The following ZNF568 variants were observed in gnomAD, a reference collection of about 807,000 sequenced individuals.
ZNF568 encodes the protein p53 inhibitor of SCO2 activation.
In ZNF568, 11 loss-of-function variants were observed where a neutral mutation model predicts 18.1. The observed-to-expected ratio is 0.61, with a 90% CI of 0.38 to 1.00. The LOEUF (loss-of-function observed/expected upper bound fraction) is 1.00, where lower values mean the gene tolerates loss of function less well. Ranked by LOEUF, ZNF568 falls within the 50% of genes least tolerant of loss-of-function variation. ZNF568 has a pLI of 0.01. For missense variants in ZNF568, 639 were observed against 768.2 expected (o/e 0.83, Z 1.99); for synonymous variants, 213 against 246.6 (o/e 0.86, Z 1.28).
exon 5 of ZNF568, chr19:36,996,786 A>G (rs1290250275): frequency 6.4e-7 from 1 of 1,552,562 alleles, no homozygotes; most frequent in African/African-American, 1.4e-5. Context: ...CTGGAGAGAA[A>G]CCTCATAAAT....
Position 36,936,134 on chromosome 19 carries a change from A to G in ZNF568, c.136-612A>G, listed in dbSNP as rs1001427604. Among the ~76,000 whole-genome samples the G allele has an allele frequency of 2.0e-5, 3 of 152,238 alleles. No individual in the cohort carries two copies. The East Asian group carries it at 5.8e-4, about 29-fold the overall frequency. On this transcript the variant is annotated intron_variant, in intron 4 of 6. Coordinates refer to ENST00000333987, the MANE Select transcript of ZNF568 (RefSeq NM_198539.4). Reference sequence around the variant, plus strand: ...ACTATATTTTCTTAGTGGTTGCTCTAGGACTTGGATACTATGTATCTTATC... The same window carrying G: ...ACTATATTTTCTTAGTGGTTGCTCTGGGACTTGGATACTATGTATCTTATC...
downstream of ZNF568, among the ~76,000 whole-genome samples, chr19:36,956,921 AAACT>A (rs1444523211): frequency 3.3e-5 from 5 of 152,182 alleles, no homozygotes; most frequent in Admixed American, 1.3e-4. Context: ...GATTCATTTG[AAACT>A]AATAAACTCA....
rs990817743 is a variant in ZNF568 at position 36,924,257 on chromosome 19, C to T, written c.77-943C>T. 5.3e-5 allele frequency among the ~76,000 whole-genome samples: 8 copies of T among 151,934 alleles called. No individual in the cohort carries two copies. The South Asian group carries it at 1.2e-3, about 24-fold the overall frequency. The stretch of plus-strand genomic sequence containing the variant: ...AGGGGGAGACAGAGTCTCGCTCTGT[C>T]GCCCAGGCTGGAGTGCAGTGGTGTG... On this transcript the variant is annotated intron_variant, in intron 3 of 6. Coordinates refer to ENST00000333987, the MANE Select transcript of ZNF568 (RefSeq NM_198539.4).
chr19:36,921,947 A>T (rs900353371), intron 2 of ZNF568, among the ~76,000 whole-genome samples: 2 of 152,202 alleles, frequency 1.3e-5, no homozygotes, highest in Non-Finnish European at 1.5e-5. Context: ...GACACAGAAG[A>T]TATCTGAAGA....
At chr19:36,918,059 C>T (rs2073381068) in intron 2 of ZNF568, among the ~76,000 whole-genome samples, 1 of 152,190 alleles carries the variant, frequency 6.6e-6, no homozygotes, top group South Asian at 2.1e-4. Context: ...AGCGATTCTC[C>T]TGCCTCAGCC....
At chr19:36,971,335 C>G (rs187149765) in intron 6 of ZNF568, among the ~76,000 whole-genome samples, 6 of 149,606 alleles carry the variant, frequency 4.0e-5, no homozygotes, top group Admixed American at 2.0e-4. Context: ...TTTCATTTAT[C>G]TTTTAGTACT....
chr19:36,924,974 T>A (rs748312546), intron 3 of ZNF568, among the ~76,000 whole-genome samples: 1 of 152,154 alleles, frequency 6.6e-6, no homozygotes, highest in Non-Finnish European at 1.5e-5. Context: ...AATAGATTCA[T>A]TGGGCACTGC....
rs555423768 is a variant in ZNF568, at chr19:36,939,575, T to C, written c.358+2333T>C. Among the ~76,000 whole-genome samples the C allele has an allele frequency of 4.4e-3, 591 of 133,382 alleles. 5 individuals are homozygous for C. The highest frequency in any genetic ancestry group is 6.8e-3 in the Non-Finnish European group (443 of 64,948). The allele number at this position is 133,382 out of a possible 152,430, so 87.5% of individuals were successfully genotyped here. ...TTTTTTTTGAGACGGAGTCTCACTCTGTCATCCAGGCTGGAGTGCAGTGGT... is the reference window on the plus strand; with the variant it reads ...TTTTTTTTGAGACGGAGTCTCACTCCGTCATCCAGGCTGGAGTGCAGTGGT... On this transcript the variant is annotated intron_variant, in intron 6 of 6. Transcript: ENST00000333987.
At chr19:36,981,056 G>A (rs1228405715), downstream of ZNF568, among the ~76,000 whole-genome samples, 3 of 152,180 alleles carry the variant, frequency 2.0e-5, no homozygotes, top group African/African-American at 7.2e-5. Context: ...ACAAAGGCCA[G>A]ACCTCTTTTT....
At chr19:36,968,331 T>C (rs1049898945) in intron 6 of ZNF568, among the ~76,000 whole-genome samples, 2 of 151,998 alleles carry the variant, frequency 1.3e-5, no homozygotes, top group African/African-American at 4.8e-5. Context: ...TCCCAACACT[T>C]TGGGAGGCCG....
downstream of ZNF568, among the ~76,000 whole-genome samples, chr19:36,956,690 A>C (rs1271131743): frequency 6.6e-6 from 1 of 151,682 alleles, no homozygotes; most frequent in Admixed American, 6.6e-5. Flanking sequence ...TCTGCCTCCC[A>C]GGCTCAAGCG....
chr19:36,964,920 G>A (rs1229838975), intron 6 of ZNF568, among the ~76,000 whole-genome samples: 1 of 152,132 alleles, frequency 6.6e-6, no homozygotes, highest in African/African-American at 2.4e-5. Context: ...CAGTGTTAGA[G>A]GTGGAAGAGC....
At chr19:36,994,102 T>G (rs2074448961) in intron 4 of ZNF568, among the ~76,000 whole-genome samples, 1 of 152,082 alleles carries the variant, frequency 6.6e-6, no homozygotes, top group African/African-American at 2.4e-5. Context: ...TTCATAAGTT[T>G]TGGTATGTTG....
chr19:36,940,618 G>C lies in ZNF568; in HGVS notation c.358+3376G>C, dbSNP rs544641890. 1.4e-4 allele frequency among the ~76,000 whole-genome samples: 21 copies of C among 152,288 alleles called. 1 individual carries two copies. The South Asian group carries it at 4.3e-3, about 32-fold the overall frequency. On this transcript the variant is annotated intron_variant, in intron 6 of 6. Coordinates refer to ENST00000333987, the MANE Select transcript of ZNF568 (RefSeq NM_198539.4). ...AATAAACGTGGAAGAAATCAGGCTAGAGTTAGAAAGACAGGGCATAGTCAC... is the reference window on the plus strand; with the variant it reads ...AATAAACGTGGAAGAAATCAGGCTACAGTTAGAAAGACAGGGCATAGTCAC...
chr19:36,943,509 C>A (rs992520593), intron 6 of ZNF568, among the ~76,000 whole-genome samples: 1 of 152,010 alleles, frequency 6.6e-6, no homozygotes, highest in Non-Finnish European at 1.5e-5. Flanking sequence ...CAAGTTAAAT[C>A]ATTATAAATT....
Position 36,922,742 on chromosome 19 carries a change from C to A in ZNF568, c.-29C>A. On this transcript the variant is annotated 5_prime_UTR_variant, in exon 3 of 7. Transcript: ENST00000333987. Reference sequence around the variant, plus strand: ...CTGGAGTTGCTGGAGCTTGTCTTGACCCTTCTGCCCAGAGCAGGCAGGGTC... The same window carrying A: ...CTGGAGTTGCTGGAGCTTGTCTTGAACCTTCTGCCCAGAGCAGGCAGGGTC... 6.2e-7 allele frequency: 1 copy of A among 1,608,978 alleles called. No homozygotes were observed. The highest frequency in any genetic ancestry group is 8.5e-7 in the Non-Finnish European group (1 of 1,176,184).
intron 4 of ZNF568, among the ~76,000 whole-genome samples, chr19:36,933,899 G>GTTTTTTTTTTTTTTT (rs1491540772): frequency 4.7e-5 from 1 of 21,480 alleles, no homozygotes; most frequent in Non-Finnish European, 9.4e-5. Flanking sequence ...TTTTGGGTAG[G>GTTTTTTTTTTTTTTT]TTTTTTTTTT....
chr19:36,995,543 G>C (rs965640200), intron 4 of ZNF568, among the ~76,000 whole-genome samples: 1 of 152,136 alleles, frequency 6.6e-6, no homozygotes, highest in Non-Finnish European at 1.5e-5. Flanking sequence ...TTAATACACT[G>C]ATGGGGTAGG....
At chr19:36,986,680 T>G (rs2074379386) in intron 2 of ZNF568, among the ~76,000 whole-genome samples, 1 of 152,150 alleles carries the variant, frequency 6.6e-6, no homozygotes, top group Non-Finnish European at 1.5e-5. Context: ...AGGTAAGAGT[T>G]ATCTGCGACC....
Sources: gnomAD v4.1 joint callset for allele counts (sites outside exome capture counted in the v4.1 genomes callset) on GRCh38, gnomAD v4.1.1 for gene constraint, MANE v1.5 for transcripts, NCBI Gene and HGNC (gene_info 2026-07-23, HGNC 2026-07-21) for gene names.